FAF1: variants seen among roughly 807,000 people sequenced by gnomAD.
FAF1 encodes Fas associated factor 1.
FAF1 carries 25 observed loss-of-function variants against 92.5 expected under a neutral mutation model. That is an observed-to-expected ratio of 0.27 (90% CI 0.20 to 0.38). The LOEUF (loss-of-function observed/expected upper bound fraction) is 0.38, where lower values mean the gene tolerates loss of function less well. FAF1 is among the 10% of genes least tolerant of loss of function. The probability of loss-of-function intolerance (pLI) is 1.00; values close to 1 mark genes in which losing one functional copy is unlikely to be tolerated. For synonymous variants in FAF1, 234 were observed against 273.2 expected (o/e 0.86, Z 1.42); for missense variants, 636 against 793.3 (o/e 0.80, Z 2.38).
At chr1:50,912,031 T>C (rs1037550182) in intron 1 of FAF1, among the ~76,000 whole-genome samples, 1 of 149,266 alleles carries the variant, frequency 6.7e-6, no homozygotes, top group African/African-American at 2.5e-5. Context: ...GGTAAGACAC[T>C]ATCTCAAAAA....
In FAF1 at chr1:50,759,512, T is replaced by C. The variant is rs1010676560; in HGVS notation, c.368-14737A>G. 5.9e-5 allele frequency among the ~76,000 whole-genome samples: 9 copies of C among 152,136 alleles called. No individual in the cohort carries two copies. The South Asian group carries it at 1.5e-3, about 25-fold the overall frequency. On this transcript the variant is annotated intron_variant, in intron 4 of 18. Coordinates refer to ENST00000396153, the MANE Select transcript of FAF1 (RefSeq NM_007051.3). ...TTTTTTATGGCTGCATAGTATTCCATGGTGTATATGTGCCACATTTTCTTA... is the reference window on the plus strand; with the variant it reads ...TTTTTTATGGCTGCATAGTATTCCACGGTGTATATGTGCCACATTTTCTTA...
intron 9 of FAF1, among the ~76,000 whole-genome samples, chr1:50,591,542 G>A (rs1651507678): frequency 6.6e-6 from 1 of 151,982 alleles, no homozygotes; most frequent in African/African-American, 2.4e-5. Flanking sequence ...GCATGGTGGT[G>A]GGTGCCTATA....
At chr1:50,737,907 C>T (rs1326267319) in intron 6 of FAF1, among the ~76,000 whole-genome samples, 1 of 152,006 alleles carries the variant, frequency 6.6e-6, no homozygotes, top group East Asian at 1.9e-4. Context: ...AAATTTGTAT[C>T]AACAACAGAA....
chr1:50,887,486 C>T, intron 1 of FAF1, among the ~76,000 whole-genome samples: 1 of 152,156 alleles, frequency 6.6e-6, no homozygotes, highest in East Asian at 1.9e-4. Flanking sequence ...CCTACATTTT[C>T]TTCTAGGGTT....
At chr1:50,948,315 G>T (rs1645186511) in intron 1 of FAF1, among the ~76,000 whole-genome samples, 1 of 152,172 alleles carries the variant, frequency 6.6e-6, no homozygotes. Flanking sequence ...ATACAGAAAA[G>T]AGGTTTGTTG....
intron 8 of FAF1, among the ~76,000 whole-genome samples, chr1:50,651,379 C>A (rs1654855850): frequency 6.6e-6 from 1 of 152,106 alleles, no homozygotes; most frequent in African/African-American, 2.4e-5. Context: ...GATGTGCAAC[C>A]TTTACCACAA....
chr1:50,471,970 G>A (rs1451513439), intron 18 of FAF1, among the ~76,000 whole-genome samples: 3 of 152,096 alleles, frequency 2.0e-5, no homozygotes, highest in Non-Finnish European at 2.9e-5. Flanking sequence ...GGAAGGGGTA[G>A]AAAAGGAAAG....
chr1:50,779,668 T>C (rs981108810), intron 4 of FAF1, among the ~76,000 whole-genome samples: 2 of 151,790 alleles, frequency 1.3e-5, no homozygotes, highest in Non-Finnish European at 2.9e-5. Context: ...AAAAAACGTT[T>C]GGGGGTGGAG....
Position 50,535,413 on chromosome 1 carries a change from T to C in FAF1, c.1450A>G (p.Met484Val), listed in dbSNP as rs1439020953. The change falls in exon 15 of 19, where the codon ATG (methionine) becomes GTG (valine). Residue 484 changes from methionine to valine, a missense_variant. Met to Val is a conservative substitution (Grantham distance 21). Transcript: ENST00000396153. ...DELMMRLMAA[M>V]EIFTAQQQED... ...TGTTGTTGGGCTGTGAAGATCTCCA[T>C]TGCAGCCATGAGTCTCATCATTAAC... is the stretch of plus-strand genomic sequence containing the variant. 21 of 1,612,646 alleles carry C rather than the reference T, an allele frequency of 1.3e-5. No individual in the cohort carries two copies. The highest frequency in any genetic ancestry group is 3.3e-5 in the South Asian group (3 of 90,980).
intron 6 of FAF1, among the ~76,000 whole-genome samples, chr1:50,737,164 T>C (rs915171934): frequency 6.6e-6 from 1 of 152,146 alleles, no homozygotes; most frequent in African/African-American, 2.4e-5. Flanking sequence ...CAAAGCCAAA[T>C]AGAGAAGTAT....
At chr1:50,641,295 A>G (rs1219058541) in intron 8 of FAF1, among the ~76,000 whole-genome samples, 1 of 151,882 alleles carries the variant, frequency 6.6e-6, no homozygotes, top group Non-Finnish European at 1.5e-5. Flanking sequence ...TTTCATTGAC[A>G]TTGGACCGCC....
chr1:50,670,430 C>T (rs12125732), intron 7 of FAF1, among the ~76,000 whole-genome samples: 13,056 of 151,798 alleles, frequency 0.086, 722 homozygotes, highest in South Asian at 0.19. Context: ...AGTAGTGACC[C>T]TATTGGACAA....
intron 1 of FAF1, among the ~76,000 whole-genome samples, chr1:50,884,955 G>A (rs934757517): frequency 2.6e-5 from 4 of 152,090 alleles, no homozygotes; most frequent in African/African-American, 9.7e-5. Context: ...GTTGCTGCTC[G>A]TTATTGGTCT....
At chr1:50,729,038 A>ATCTATCTATCTATC (rs1293096759) in intron 6 of FAF1, among the ~76,000 whole-genome samples, 1 of 60,732 alleles carries the variant, frequency 1.6e-5, no homozygotes, top group Non-Finnish European at 3.5e-5. Flanking sequence ...ATCTATCTAT[A>ATCTATCTATCTATC]TATATATATA....
At chr1:50,714,943 T>G (rs1251940441) in intron 6 of FAF1, 1 of 393,590 alleles carries the variant, frequency 2.5e-6, no homozygotes, top group Admixed American at 3.4e-5. Context: ...CATCCAAATT[T>G]GAAGAGAAAA....
intron 9 of FAF1, among the ~76,000 whole-genome samples, chr1:50,594,871 C>CAA (rs1179619100): frequency 1.1e-5 from 1 of 95,184 alleles, no homozygotes; most frequent in Admixed American, 1.1e-4. Flanking sequence ...AACCCCATCT[C>CAA]AAAAAAAAAA....
chr1:50,773,666 C>T (rs1165055265), intron 4 of FAF1, among the ~76,000 whole-genome samples: 1 of 152,018 alleles, frequency 6.6e-6, no homozygotes, highest in African/African-American at 2.4e-5. Flanking sequence ...ATGGTAGTTA[C>T]CAGAGGCAAA....
intron 13 of FAF1, among the ~76,000 whole-genome samples, chr1:50,561,762 G>A (rs968041625): frequency 6.6e-6 from 1 of 152,070 alleles, no homozygotes. Flanking sequence ...GGAGGTGGAG[G>A]TTGCAGTGAG....
intron 2 of FAF1, among the ~76,000 whole-genome samples, chr1:50,813,548 C>A (rs1448459170): frequency 6.6e-6 from 1 of 152,102 alleles, no homozygotes; most frequent in East Asian, 1.9e-4. Context: ...GCAGCCTCAA[C>A]CTCCATGGCT....
Sources: gnomAD v4.1 joint callset for allele counts (sites outside exome capture counted in the v4.1 genomes callset) on GRCh38, gnomAD v4.1.1 for gene constraint, MANE v1.5 for transcripts, NCBI Gene and HGNC (gene_info 2026-07-23, HGNC 2026-07-21) for gene names.